The following ZNF577 variants were observed in gnomAD, a reference collection of about 807,000 sequenced individuals.
ZNF577 encodes zinc finger protein 577.
Under a neutral mutation model 13.9 loss-of-function variants are expected in ZNF577, and 14 were observed. The ratio of observed to expected loss-of-function variants is 1.00; its 90% confidence interval spans 0.66 to 1.57. ZNF577 has a LOEUF of 1.57. ZNF577 is among the 40% of genes most tolerant of loss of function. ZNF577 has a pLI of 0.00. For synonymous variants in ZNF577, 203 were observed against 202.9 expected (o/e 1.00, Z 0.00); for missense variants, 555 against 579.2 (o/e 0.96, Z 0.43).
intron 9 of ZNF577, among the ~76,000 whole-genome samples, chr19:51,814,516 C>T (rs1276268712): frequency 6.6e-6 from 1 of 152,028 alleles, no homozygotes; most frequent in Non-Finnish European, 1.5e-5. Flanking sequence ...TGTTTTGAGA[C>T]AGAGTCCAGC....
chr19:51,877,807 A>T (rs1191020826), intron 4 of ZNF577: 1 of 160,410 alleles, frequency 6.2e-6, no homozygotes, highest in African/African-American at 2.4e-5. Flanking sequence ...TTATTTGTAC[A>T]CCCATATTCA....
rs772623028 is a variant in ZNF577, at chr19:51,880,381, ATG to A, written c.-1_1del. 3.1e-6 allele frequency: 5 copies of A among 1,613,968 alleles called. No homozygotes were observed. The African/African-American group carries it at 5.3e-5, about 17-fold the overall frequency. On this transcript the variant is annotated start_lost and start_retained_variant and 5_prime_UTR_variant, in exon 3 of 6. Transcript: ENST00000638348. ...AGACATTACAATCGTGGCATTTTTC[ATG>A]TGTTTCCTGTTATTTCAGCTGCCAA...
chr19:51,857,692 T>C (rs1432734551), intron 5 of ZNF577, among the ~76,000 whole-genome samples: 1 of 152,140 alleles, frequency 6.6e-6, no homozygotes, highest in Non-Finnish European at 1.5e-5. Context: ...TGAGAACTGC[T>C]CAAGTGGCAA....
At chr19:51,828,796 AACTTAGT>A (rs1447600566) in intron 9 of ZNF577, among the ~76,000 whole-genome samples, 2 of 152,236 alleles carry the variant, frequency 1.3e-5, no homozygotes, top group East Asian at 3.9e-4. Context: ...TGCTTTGTGC[AACTTAGT>A]ACTGCTGTTG....
At chr19:51,813,157 CA>C (rs2084109887) in intron 9 of ZNF577, among the ~76,000 whole-genome samples, 3 of 149,824 alleles carry the variant, frequency 2.0e-5, no homozygotes, top group Non-Finnish European at 4.4e-5. Flanking sequence ...CACACACACA[CA>C]CACCCCATAA....
Position 51,872,681 on chromosome 19 carries a change from C to T in ZNF577, c.1309G>A (p.Val437Ile). The part of the protein sequence containing the change: ...NKSERLVGRN[V>I]VIVEQPFPRN... ...GGAAAAGGTTGTTCCACAATCACTA[C>T]ATTTCTGCCCACTAGGCGCTCACTC... Residue 437 changes from valine to isoleucine, a missense_variant, in exon 6 of 6, where the codon GTA (valine) becomes ATA (isoleucine). Val to Ile is a conservative substitution (Grantham distance 29). Transcript: ENST00000638348. 1 of 1,614,240 alleles carries T rather than the reference C, an allele frequency of 6.2e-7. No homozygotes were observed. The highest frequency in any genetic ancestry group is 1.1e-5 in the South Asian group (1 of 91,088).
chr19:51,882,788 A>G (rs2084882315), intron 1 of ZNF577, among the ~76,000 whole-genome samples: 1 of 151,984 alleles, frequency 6.6e-6, no homozygotes, highest in African/African-American at 2.4e-5. Context: ...CTGTCTCAAA[A>G]AAAACAAAAG....
chr19:51,837,059 A>G (rs1290713820), intron 9 of ZNF577, among the ~76,000 whole-genome samples: 3 of 141,272 alleles, frequency 2.1e-5, no homozygotes, highest in Non-Finnish European at 3.0e-5. Context: ...AAAAAAAAAA[A>G]GAAAAGAAAA....
At position 51,828,278 on chromosome 19, in the gene ZNF577, G is replaced by A. The variant is rs145723068; in HGVS notation, c.*599+11615C>T. 4.3e-3 allele frequency among the ~76,000 whole-genome samples: 653 copies of A among 151,638 alleles called. 2 individuals carry two copies. Among genetic ancestry groups the A allele is most frequent in the Middle Eastern group, 0.014 (4 of 294 alleles). ...AGCTACTTGGAAGACTGAGGAAGGA[G>A]AATTGTTTGAACCTGGGAGGTGAAG... On this transcript the variant is annotated intron_variant and NMD_transcript_variant, in intron 9 of 10. Coordinates refer to the ZNF577 transcript ENST00000638827.
chr19:51,855,026 C>G (rs772636592), intron 5 of ZNF577, among the ~76,000 whole-genome samples: 185 of 152,140 alleles, frequency 1.2e-3, no homozygotes, highest in Non-Finnish European at 1.9e-3. Context: ...GACTTTTAAT[C>G]TTTGCATATT....
At chr19:51,854,502 T>C (rs971500586) in intron 5 of ZNF577, among the ~76,000 whole-genome samples, 2 of 147,214 alleles carry the variant, frequency 1.4e-5, no homozygotes, top group African/African-American at 2.6e-5. Flanking sequence ...CTAAATTTTT[T>C]TTTTTTTTTT....
chr19:51,872,262 G>A lies in ZNF577; in HGVS notation c.*270C>T, dbSNP rs112941934. On this transcript the variant is annotated 3_prime_UTR_variant, in exon 6 of 6. Coordinates refer to ENST00000638348, the MANE Select transcript of ZNF577 (RefSeq NM_001370449.1). ...TTTGGCACACGAGGCACAATTTAGC[G>A]CTAAAAGCACCATCACAATCTTTCA... is the stretch of plus-strand genomic sequence containing the variant. 3.4e-5 allele frequency: 10 copies of A among 290,346 alleles called. No individual in the cohort carries two copies. Among genetic ancestry groups the A allele is most frequent in the Admixed American group, 1.4e-4 (3 of 21,362 alleles). The allele number at this position is 290,346 out of a possible 1,614,324, so 18.0% of individuals were successfully genotyped here.
At chr19:51,812,376 C>T (rs2084103485) in intron 9 of ZNF577, among the ~76,000 whole-genome samples, 1 of 152,192 alleles carries the variant, frequency 6.6e-6, no homozygotes, top group Non-Finnish European at 1.5e-5. Context: ...AAAAATATCA[C>T]AAAGAATGTC....
At position 51,824,048 on chromosome 19, in the gene ZNF577, A is replaced by G; in HGVS notation, c.*600-12374T>C. 3.7e-6 allele frequency: 6 copies of G among 1,614,100 alleles called. No homozygotes were observed. Among genetic ancestry groups the G allele is most frequent in the Non-Finnish European group, 5.1e-6 (6 of 1,180,000 alleles). ...CTTTTGGCTCATTCCTATGTAAGTT[A>G]GTTCATGTTATGATAGACATCAACC... On this transcript the variant is annotated intron_variant and NMD_transcript_variant, in intron 9 of 10. Transcript: ENST00000638827. This position sits in a 1 kb window ranked among gnomAD's most constrained non-coding sequence, Gnocchi z 4.7.
intron 5 of ZNF577, among the ~76,000 whole-genome samples, chr19:51,847,418 C>T (rs1313888609): frequency 1.3e-5 from 2 of 152,202 alleles, no homozygotes; most frequent in South Asian, 2.1e-4. Context: ...TCCCCAGACA[C>T]CTACTTTCAA....
chr19:51,853,216 C>A (rs931480110), intron 5 of ZNF577, among the ~76,000 whole-genome samples: 2 of 152,228 alleles, frequency 1.3e-5, no homozygotes, highest in African/African-American at 4.8e-5. Flanking sequence ...GGATTACAGG[C>A]ATGAGCCAGG....
At chr19:51,856,076 G>GT (rs773967589) in intron 5 of ZNF577, 2 of 152,084 alleles carry the variant, frequency 1.3e-5, no homozygotes, top group Non-Finnish European at 2.9e-5. Flanking sequence ...TCAAAATATT[G>GT]TAAGCCTTTG....
chr19:51,859,726 G>C (rs559945112), intron 5 of ZNF577, among the ~76,000 whole-genome samples: 1 of 152,116 alleles, frequency 6.6e-6, no homozygotes, highest in Admixed American at 6.5e-5. Flanking sequence ...CCTTAATAAT[G>C]AGTCAAATAT....
intron 8 of ZNF577, among the ~76,000 whole-genome samples, chr19:51,842,522 C>T (rs1319038834): frequency 6.6e-6 from 1 of 152,128 alleles, no homozygotes; most frequent in African/African-American, 2.4e-5. Context: ...CAGCAGATAC[C>T]AGATACTGGT....
Sources: allele counts gnomAD v4.1 joint callset (sites outside exome capture counted in the v4.1 genomes callset), GRCh38; gene constraint gnomAD v4.1.1; non-coding constraint Gnocchi (gnomAD v3.1); transcripts MANE v1.5; gene names NCBI Gene and HGNC (gene_info 2026-07-23, HGNC 2026-07-21).